Variants in ZFHX3 observed in about 807,000 individuals in gnomAD.
ZFHX3 encodes zinc finger homeobox 3, also known as zinc finger homeobox protein 3.
In ZFHX3, 42 loss-of-function variants were observed where a neutral mutation model predicts 279.1. That is an observed-to-expected ratio of 0.15 (90% CI 0.12 to 0.19). ZFHX3 has a LOEUF of 0.19. Ranked by LOEUF, ZFHX3 falls within the 10% of genes least tolerant of loss-of-function variation. The probability of loss-of-function intolerance (pLI) is 1.00; values close to 1 mark genes in which losing one functional copy is unlikely to be tolerated. For synonymous variants in ZFHX3, 2,293 were observed against 1,957.8 expected, an observed-to-expected ratio of 1.17 and a Z score of -4.52; for missense variants, 4,981 against 4,754.0, an observed-to-expected ratio of 1.05 and a Z score of -1.40.
Position 72,793,371 on chromosome 16 carries a change from G to A in ZFHX3, c.9311C>T (p.Thr3104Ile), listed in dbSNP as rs1341651323. Residue 3104 changes from threonine to isoleucine, a missense_variant, in exon 9 of 10, where the codon ACC becomes ATC. Physicochemically the swap from Thr to Ile is moderately conservative, Grantham distance 89 (BLOSUM62 -1). Coordinates refer to ENST00000268489, the MANE Select transcript of ZFHX3 (RefSeq NM_006885.4). The surrounding 1 kb of genome is among the most constrained non-coding windows in gnomAD (Gnocchi z 4.3). ...AAQQQGMFDNTPLQALNLPTA... is the reference protein window; with the variant it reads ...AAQQQGMFDNIPLQALNLPTA... ...AGGAAGGTTAAGGGCCTGAAGAGGG[G>A]TGTTGTCAAACATCCCTTGCTGCTG... 6.2e-7 allele frequency: 1 copy of A among 1,614,206 alleles called. No individual in the cohort carries two copies. The highest frequency in any genetic ancestry group is 1.7e-5 in the Admixed American group (1 of 60,026).
At chr16:73,740,917 C>G (rs1275142083) in intron 1 of ZFHX3, among the ~76,000 whole-genome samples, 1 of 152,050 alleles carries the variant, frequency 6.6e-6, no homozygotes, top group African/African-American at 2.4e-5. Flanking sequence ...ATATACCCAA[C>G]TGATTATGAG....
At chr16:73,797,048 A>AG (rs1403092280) in intron 1 of ZFHX3, among the ~76,000 whole-genome samples, 12 of 152,152 alleles carry the variant, frequency 7.9e-5, no homozygotes, top group Non-Finnish European at 1.3e-4. Context: ...CTAAAAAAAA[A>AG]AAAAATTAGC....
At chr16:73,532,146 G>A (rs2019815913) in intron 2 of ZFHX3, among the ~76,000 whole-genome samples, 1 of 152,064 alleles carries the variant, frequency 6.6e-6, no homozygotes. Context: ...AGTTGATACG[G>A]TTTGTCTGCG....
chr16:72,847,888 A>AG (rs949932645), intron 4 of ZFHX3, among the ~76,000 whole-genome samples: 2 of 151,732 alleles, frequency 1.3e-5, no homozygotes, highest in African/African-American at 2.4e-5. Flanking sequence ...CTGAAGCCCG[A>AG]GGGGGAGGAG....
intron 1 of ZFHX3, among the ~76,000 whole-genome samples, chr16:72,962,883 G>A (rs1040168216): frequency 6.6e-6 from 1 of 151,970 alleles, no homozygotes; most frequent in Admixed American, 6.6e-5. Flanking sequence ...TGGAGAAGAG[G>A]GGGACGCGCG....
intron 8 of ZFHX3, among the ~76,000 whole-genome samples, chr16:73,075,000 G>A (rs1468746029): frequency 6.6e-6 from 1 of 152,068 alleles, no homozygotes; most frequent in Non-Finnish European, 1.5e-5. Flanking sequence ...TAGAGACGGG[G>A]TTTTGCCATG....
rs1400573605 is a variant in ZFHX3 at position 73,881,664 on chromosome 16, T to C, written c.-1608+9987A>G. On this transcript the variant is annotated intron_variant, in intron 1 of 17. Coordinates refer to the ZFHX3 transcript ENST00000641206. Reference sequence around the variant, plus strand: ...GGATATTTGCTAGGGTTCCCACTACTTAGTTGGTGCTATATGTGTGTGTGT... The same window carrying C: ...GGATATTTGCTAGGGTTCCCACTACCTAGTTGGTGCTATATGTGTGTGTGT... Among the ~76,000 whole-genome samples, 8 of 151,424 alleles carry C rather than the reference T, an allele frequency of 5.3e-5. No individual in the cohort carries two copies. In the East Asian group the frequency reaches 7.7e-4, roughly 15 times the overall value.
intron 4 of ZFHX3, among the ~76,000 whole-genome samples, chr16:72,839,420 A>G (rs892904605): frequency 4.9e-4 from 74 of 152,162 alleles, no homozygotes; most frequent in Admixed American, 4.5e-3. Context: ...AGTATTTTAC[A>G]CAGTTTAACC....
At chr16:72,981,192 C>G (rs1381200719) in intron 1 of ZFHX3, among the ~76,000 whole-genome samples, 1 of 152,208 alleles carries the variant, frequency 6.6e-6, no homozygotes, top group African/African-American at 2.4e-5. Flanking sequence ...TACTCCTTCT[C>G]TTAGAAGGTA....
Position 73,302,337 on chromosome 16 carries a change from A to T in ZFHX3, c.-1194+15903T>A, listed in dbSNP as rs184794336. Reference sequence around the variant, plus strand: ...AAAAATCCATTCAATTGGCTTGCCCAGCAACCTTACAGAAACTTCTCTCAA... The same window carrying T: ...AAAAATCCATTCAATTGGCTTGCCCTGCAACCTTACAGAAACTTCTCTCAA... On this transcript the variant is annotated intron_variant, in intron 4 of 17. Coordinates refer to the ZFHX3 transcript ENST00000641206. Among the ~76,000 whole-genome samples, 4 of 151,418 alleles carry T rather than the reference A, an allele frequency of 2.6e-5. No homozygotes were observed. In the East Asian group the frequency reaches 7.8e-4, roughly 30 times the overall value.
Position 72,959,461 on chromosome 16 carries a change from G to A in ZFHX3, c.685C>T (p.His229Tyr). 6.2e-7 allele frequency: 1 copy of A among 1,614,272 alleles called. No homozygotes were observed. The highest frequency in any genetic ancestry group is 8.5e-7 in the Non-Finnish European group (1 of 1,180,038). ...SALAGLSPVL[H>Y]SFRVFDVRHK... ...CGCACGTCAAACACGCGGAAGCTGT[G>A]CAGGACGGGGCTGAGCCCCGCCAGG... is the stretch of plus-strand genomic sequence containing the variant. The change falls in exon 2 of 10, where the codon CAC (histidine) becomes TAC (tyrosine). Residue 229 changes from histidine (H) to tyrosine (Y), a missense_variant. By Grantham distance (83) the His-to-Tyr change is moderately conservative (BLOSUM62 2). Coordinates refer to ENST00000268489, the MANE Select transcript of ZFHX3 (RefSeq NM_006885.4).
At chr16:73,363,978 G>A (rs2016482648) in intron 3 of ZFHX3, among the ~76,000 whole-genome samples, 1 of 152,078 alleles carries the variant, frequency 6.6e-6, no homozygotes, top group African/African-American at 2.4e-5. Context: ...TTTGAGACCA[G>A]CCTTGCCAAT....
intron 1 of ZFHX3, among the ~76,000 whole-genome samples, chr16:72,981,847 T>G (rs1339826345): frequency 1.3e-5 from 2 of 151,654 alleles, no homozygotes; most frequent in African/African-American, 4.8e-5. Flanking sequence ...ACAATGCTTC[T>G]TCCATGCACA....
At chr16:73,187,541 G>C (rs973212043) in intron 5 of ZFHX3, among the ~76,000 whole-genome samples, 2 of 152,166 alleles carry the variant, frequency 1.3e-5, no homozygotes, top group African/African-American at 4.8e-5. Context: ...GACTCCTGTG[G>C]CAGATGGGGG....
In ZFHX3 at chr16:73,591,692, CAAAAAAAA is replaced by C. The variant is rs57402211; in HGVS notation, c.-1547+88480_-1547+88487del. On this transcript the variant is annotated intron_variant, in intron 2 of 17. Transcript: ENST00000641206. The stretch of plus-strand genomic sequence containing the variant: ...TGGGCGACAGAGCGAGACTCTGTCT[CAAAAAAAA>C]AAAAAAAAAAAAAAAAAAGAAAAGA... Among the ~76,000 whole-genome samples the C allele has an allele frequency of 1.4e-3, 48 of 33,442 alleles. No homozygotes were observed. The South Asian group carries it at 0.018, about 12-fold the overall frequency. The allele number at this position is 33,442 out of a possible 152,430, so 21.9% of individuals were successfully genotyped here. A position where few individuals can be genotyped will look rare whatever the true frequency, so the allele number is the denominator to read the frequency against.
chr16:73,234,842 T>G lies in ZFHX3; in HGVS notation c.-1104+22205A>C, dbSNP rs550704734. ...TTTTTTGGCCAATTGCCTCAGCCTT[T>G]GAAGTGATAGAAATTTTTCTTTTGG... On this transcript the variant is annotated intron_variant, in intron 5 of 17. Coordinates refer to the ZFHX3 transcript ENST00000641206. Among the ~76,000 whole-genome samples, 7 of 152,332 alleles carry G rather than the reference T, an allele frequency of 4.6e-5. No homozygotes were observed. The East Asian group carries it at 1.4e-3, about 29-fold the overall frequency.
chr16:73,099,710 CAAAAAAAA>C, intron 7 of ZFHX3, among the ~76,000 whole-genome samples: 1 of 90,948 alleles, frequency 1.1e-5, no homozygotes, highest in African/African-American at 4.0e-5. Context: ...GACTCCATCT[CAAAAAAAA>C]AAAAAAAAAA....
At chr16:72,996,375 C>G (rs1045454581) in intron 1 of ZFHX3, among the ~76,000 whole-genome samples, 1 of 152,210 alleles carries the variant, frequency 6.6e-6, no homozygotes, top group African/African-American at 2.4e-5. Context: ...ATCAGTCCAA[C>G]TAAGCATGAT....
chr16:73,304,279 G>A (rs77075020), intron 4 of ZFHX3, among the ~76,000 whole-genome samples: 12,835 of 152,238 alleles, frequency 0.084, 629 homozygotes, highest in East Asian at 0.22. Flanking sequence ...CCCTGATGAA[G>A]TTCACAGGGG....
Sources: allele counts gnomAD v4.1 joint callset (sites outside exome capture counted in the v4.1 genomes callset), GRCh38; gene constraint gnomAD v4.1.1; non-coding constraint Gnocchi (gnomAD v3.1); transcripts MANE v1.5; gene names NCBI Gene and HGNC (gene_info 2026-07-23, HGNC 2026-07-21).